PAQR5: variants seen among roughly 807,000 people sequenced by gnomAD.
PAQR5 encodes the protein progestin and adipoQ receptor family member 5.
PAQR5 carries 20 observed loss-of-function variants against 34.5 expected under a neutral mutation model. The ratio of observed to expected loss-of-function variants is 0.58; its 90% CI spans 0.41 to 0.84. The LOEUF is 0.84. Among genes scored for constraint, PAQR5 ranks in the 40% least tolerant of loss-of-function variants. The probability of loss-of-function intolerance (pLI) is 0.00; values close to 1 mark genes in which losing one functional copy is unlikely to be tolerated. For synonymous variants in PAQR5, 131 were observed against 155.6 expected, an observed-to-expected ratio of 0.84 and a Z score of 1.18; for missense variants, 378 against 412.7, an observed-to-expected ratio of 0.92 and a Z score of 0.73.
chr15:69,380,794 G>T (rs1451390574), intron 4 of PAQR5, among the ~76,000 whole-genome samples: 1 of 152,230 alleles, frequency 6.6e-6, no homozygotes, highest in African/African-American at 2.4e-5. Context: ...ACCACTGGTC[G>T]ATGTAGACAC....
chr15:69,368,107 G>A (rs1160664964), intron 3 of PAQR5, among the ~76,000 whole-genome samples: 3 of 151,828 alleles, frequency 2.0e-5, no homozygotes, highest in Admixed American at 6.6e-5. Context: ...AGGCTGCAGT[G>A]CAGTGGCACT....
intron 8 of PAQR5, among the ~76,000 whole-genome samples, chr15:69,402,478 C>T (rs889433788): frequency 1.1e-4 from 16 of 152,162 alleles, no homozygotes; most frequent in African/African-American, 2.4e-4. Context: ...TCACCATGCC[C>T]GGCTAATTTT....
At chr15:69,376,766 G>A (rs568359963) in intron 3 of PAQR5, among the ~76,000 whole-genome samples, 2 of 152,122 alleles carry the variant, frequency 1.3e-5, no homozygotes, top group Non-Finnish European at 2.9e-5. Context: ...TCCTCCCCAG[G>A]TCTGGGGCCA....
chr15:69,367,137 A>C (rs75039536), intron 3 of PAQR5, among the ~76,000 whole-genome samples: 5,253 of 152,126 alleles, frequency 0.035, 177 homozygotes, highest in East Asian at 0.11. Context: ...TTTAGCTGAC[A>C]GTTTAGTCTA....
At chr15:69,359,654 G>A (rs2055182038) in intron 2 of PAQR5, among the ~76,000 whole-genome samples, 1 of 151,934 alleles carries the variant, frequency 6.6e-6, no homozygotes, top group Non-Finnish European at 1.5e-5. Context: ...CCAGGCCCAG[G>A]GTGTGGTGCC....
rs139823315 is a variant in PAQR5, at chr15:69,303,510, G to T, written c.-277+4454G>T. 1.9e-3 allele frequency among the ~76,000 whole-genome samples: 291 copies of T among 151,962 alleles called. 1 individual carries two copies. The highest frequency in any genetic ancestry group is 3.2e-3 in the Non-Finnish European group (216 of 67,980). On this transcript the variant is annotated intron_variant, in intron 1 of 8. Transcript: ENST00000395407. ...TCCTCTGCTAGTGAGTTCTCTCTTG[G>T]TGAAAATAGTGCCCTCTTCAGGCAG... is the stretch of plus-strand genomic sequence containing the variant.
chr15:69,342,333 A>G (rs1464323931), intron 2 of PAQR5, among the ~76,000 whole-genome samples: 2 of 150,514 alleles, frequency 1.3e-5, no homozygotes, highest in African/African-American at 4.9e-5. Context: ...GGTTGTTTGT[A>G]TATTTGGGGA....
chr15:69,360,856 G>T (rs1275342207), intron 3 of PAQR5, among the ~76,000 whole-genome samples: 2 of 152,206 alleles, frequency 1.3e-5, no homozygotes, highest in Admixed American at 1.3e-4. Context: ...GTGACAGAGT[G>T]GAGGAGAGTT....
At chr15:69,314,187 T>C (rs1319544550) in intron 1 of PAQR5, among the ~76,000 whole-genome samples, 1 of 151,988 alleles carries the variant, frequency 6.6e-6, no homozygotes, top group Non-Finnish European at 1.5e-5. Context: ...TGACTAATCA[T>C]TTTTTACAAA....
intron 1 of PAQR5, among the ~76,000 whole-genome samples, chr15:69,311,844 C>T (rs2053841387): frequency 6.6e-6 from 1 of 152,194 alleles, no homozygotes; most frequent in African/African-American, 2.4e-5. Context: ...AACATTGCCT[C>T]TGTTATCACT....
At chr15:69,350,168 C>G (rs143506973) in intron 2 of PAQR5, among the ~76,000 whole-genome samples, 1 of 152,226 alleles carries the variant, frequency 6.6e-6, no homozygotes, top group Non-Finnish European at 1.5e-5. Flanking sequence ...TCAGCTCCAA[C>G]GGCAAAGTGG....
chr15:69,392,992 G>A (rs1282316847), intron 6 of PAQR5, among the ~76,000 whole-genome samples: 1 of 151,848 alleles, frequency 6.6e-6, no homozygotes, highest in Non-Finnish European at 1.5e-5. Context: ...TGCTCATGAA[G>A]GATGAGAATC....
At chr15:69,387,205 G>A (rs982924989) in intron 5 of PAQR5, among the ~76,000 whole-genome samples, 4 of 152,196 alleles carry the variant, frequency 2.6e-5, no homozygotes, top group African/African-American at 9.7e-5. Flanking sequence ...ACTGCTTAGC[G>A]GGGCGACTTC....
intron 3 of PAQR5, among the ~76,000 whole-genome samples, chr15:69,364,249 C>G (rs1398158634): frequency 6.6e-6 from 1 of 151,936 alleles, no homozygotes; most frequent in Non-Finnish European, 1.5e-5. Context: ...AATGGTTTCT[C>G]CAGCCCAGTG....
chr15:69,390,577 A>G (rs117539635), intron 6 of PAQR5, among the ~76,000 whole-genome samples: 2,377 of 152,116 alleles, frequency 0.016, 26 homozygotes, highest in Non-Finnish European at 0.025. Flanking sequence ...TCCACCCTGA[A>G]CTTCAGTTTG....
chr15:69,373,576 C>A (rs150687145), intron 3 of PAQR5, among the ~76,000 whole-genome samples: 282 of 152,246 alleles, frequency 1.9e-3, no homozygotes, highest in African/African-American at 6.5e-3. Flanking sequence ...TGGGACTTTT[C>A]TTCTCTAGCA....
chr15:69,331,347 T>A (rs1041318099), intron 1 of PAQR5, among the ~76,000 whole-genome samples: 1 of 152,208 alleles, frequency 6.6e-6, no homozygotes, highest in African/African-American at 2.4e-5. Context: ...AAGAAGAGTC[T>A]TGGTTTGAGA....
chr15:69,369,891 A>C (rs2055508763), intron 3 of PAQR5, among the ~76,000 whole-genome samples: 1 of 152,076 alleles, frequency 6.6e-6, no homozygotes, highest in African/African-American at 2.4e-5. Flanking sequence ...CTTGGGTTTC[A>C]TCTCTTGTTT....
chr15:69,386,054 T>C (rs529479554), intron 5 of PAQR5, among the ~76,000 whole-genome samples: 1 of 147,704 alleles, frequency 6.8e-6, no homozygotes, highest in South Asian at 2.2e-4. Context: ...CACATGCACA[T>C]ACACATACTC....
Sources: gnomAD v4.1 joint callset for allele counts (sites outside exome capture counted in the v4.1 genomes callset) on GRCh38, gnomAD v4.1.1 for gene constraint, MANE v1.5 for transcripts, NCBI Gene and HGNC (gene_info 2026-07-23, HGNC 2026-07-21) for gene names.